The following DOCK8 variants were observed in gnomAD, a reference collection of about 807,000 sequenced individuals.
DOCK8 encodes the protein dedicator of cytokinesis 8, also known as dedicator of cytokinesis protein 8.
DOCK8 carries 141 observed loss-of-function variants against 245.6 expected under a neutral mutation model. That is an observed-to-expected ratio of 0.57 (90% confidence interval 0.50 to 0.66). The LOEUF is 0.66. Ranked by LOEUF, DOCK8 falls within the 30% of genes least tolerant of loss-of-function variation. The pLI, the probability that DOCK8 is intolerant of heterozygous loss-of-function variation, is 0.00. For synonymous variants in DOCK8, 1,168 were observed against 970.2 expected, an observed-to-expected ratio of 1.20 and a Z score of -3.79; for missense variants, 2,965 against 2,603.4, an observed-to-expected ratio of 1.14 and a Z score of -3.02.
intron 20 of DOCK8, among the ~76,000 whole-genome samples, chr9:377,591 T>C (rs766945331): frequency 6.6e-6 from 1 of 152,182 alleles, no homozygotes; most frequent in Non-Finnish European, 1.5e-5. Context: ...GGGAAGGAAC[T>C]CTCTACATTG....
intron 27 of DOCK8, among the ~76,000 whole-genome samples, chr9:406,488 C>CAAATAA (rs1373206545): frequency 5.2e-5 from 5 of 95,248 alleles, no homozygotes; most frequent in Admixed American, 4.2e-4. Context: ...CTCTGTCTTT[C>CAAATAA]AAAAAAAAAA....
chr9:436,090 G>C (rs1038651895), intron 39 of DOCK8, among the ~76,000 whole-genome samples: 1 of 152,222 alleles, frequency 6.6e-6, no homozygotes, highest in African/African-American at 2.4e-5. Flanking sequence ...CAGGCTTAGA[G>C]AATAAGTCAC....
chr9:251,439 C>G (rs1297797989), intron 1 of DOCK8, among the ~76,000 whole-genome samples: 1 of 152,190 alleles, frequency 6.6e-6, no homozygotes, highest in Non-Finnish European at 1.5e-5. Flanking sequence ...CAGCAACAAG[C>G]TAAAACCTGC....
At chr9:400,746 T>C (rs1438281356) in intron 26 of DOCK8, among the ~76,000 whole-genome samples, 349 of 2,022 alleles carry the variant, frequency 0.17, 5 homozygotes, top group Non-Finnish European at 0.18. Flanking sequence ...ACCACCAGCA[T>C]CTTCACCATC....
chr9:445,293 C>G (rs1435374458), intron 43 of DOCK8, among the ~76,000 whole-genome samples: 1 of 152,138 alleles, frequency 6.6e-6, no homozygotes, highest in Non-Finnish European at 1.5e-5. Context: ...GAATGAGAGT[C>G]TGAACCCAGA....
chr9:419,580 C>G (rs2056189049), intron 30 of DOCK8, among the ~76,000 whole-genome samples: 1 of 152,146 alleles, frequency 6.6e-6, no homozygotes, highest in Non-Finnish European at 1.5e-5. Flanking sequence ...GCTTTATAAC[C>G]TCTATTATTT....
At chr9:273,949 G>A (rs926380265) in intron 2 of DOCK8, among the ~76,000 whole-genome samples, 3 of 151,992 alleles carry the variant, frequency 2.0e-5, no homozygotes, top group Admixed American at 2.0e-4. Context: ...CAGGTGATCC[G>A]CCCGCCTAGG....
At chr9:260,552 C>T (rs2047894437) in intron 1 of DOCK8, among the ~76,000 whole-genome samples, 1 of 152,216 alleles carries the variant, frequency 6.6e-6, no homozygotes, top group African/African-American at 2.4e-5. Flanking sequence ...TACACAAACA[C>T]TTTCACCCAG....
chr9:345,147 A>G (rs2051817729), intron 14 of DOCK8, among the ~76,000 whole-genome samples: 3 of 152,198 alleles, frequency 2.0e-5, no homozygotes, highest in South Asian at 4.1e-4. Context: ...CTGTCAGGTA[A>G]CTTTCACTGT....
intron 25 of DOCK8, among the ~76,000 whole-genome samples, chr9:398,287 G>A (rs997475981): frequency 7.9e-5 from 12 of 152,186 alleles, no homozygotes; most frequent in African/African-American, 1.9e-4. Context: ...GAGAGAGTTC[G>A]AGGACCTCTC....
chr9:328,080 C>A lies in DOCK8; in HGVS notation c.953C>A (p.Ala318Asp), dbSNP rs376791111. 2 of 1,614,204 alleles carry A rather than the reference C, an allele frequency of 1.2e-6. No individual in the cohort carries two copies. Among genetic ancestry groups the A allele is most frequent in the Non-Finnish European group, 1.7e-6 (2 of 1,180,004 alleles). Reference protein sequence around the residue: ...NSDQFKGFLRAHTPSVAASSQ... With the variant: ...NSDQFKGFLRDHTPSVAASSQ... Reference sequence around the variant, plus strand: ...GACCAGTTCAAAGGATTTCTGCGAGCTCACACGCCTTCAGTGGCCGCATCA... The same window carrying A: ...GACCAGTTCAAAGGATTTCTGCGAGATCACACGCCTTCAGTGGCCGCATCA... Residue 318 changes from alanine to aspartate, a missense_variant, in exon 9 of 48, where the codon GCT becomes GAT. This residue lies in a region of DOCK8 where 2,825 missense variants were observed against 2,453.5 expected (regional missense o/e 1.15). Transcript: ENST00000432829.
chr9:310,206 G>A (rs1160023031), intron 5 of DOCK8, among the ~76,000 whole-genome samples: 1 of 151,792 alleles, frequency 6.6e-6, no homozygotes, highest in Non-Finnish European at 1.5e-5. Flanking sequence ...GGCAGAGGCA[G>A]CAGTGAGCTG....
chr9:460,912 G>T (rs1234710745), intron 46 of DOCK8, among the ~76,000 whole-genome samples: 1 of 152,186 alleles, frequency 6.6e-6, no homozygotes, highest in Non-Finnish European at 1.5e-5. Context: ...AAGCCATATT[G>T]ATCACCCACG....
At chr9:422,258 G>T in intron 33 of DOCK8, 123 bp downstream of exon 33, 1 of 833,052 alleles carries the variant, frequency 1.2e-6, no homozygotes. Flanking sequence ...ATCATTATCT[G>T]TGTAAATACA....
chr9:225,442 A>T (rs370351579), intron 1 of DOCK8, among the ~76,000 whole-genome samples: 1 of 152,304 alleles, frequency 6.6e-6, no homozygotes, highest in East Asian at 1.9e-4. Flanking sequence ...AGCCACAGTC[A>T]TTCCGATGTG....
Position 339,031 on chromosome 9 carries a change from A to T in DOCK8, c.1448A>T (p.Asp483Val), listed in dbSNP as rs779599066. 2 of 1,614,146 alleles carry T rather than the reference A, an allele frequency of 1.2e-6. No homozygotes were observed. Among genetic ancestry groups the T allele is most frequent in the Admixed American group, 3.3e-5 (2 of 60,032 alleles). Residue 483 changes from aspartate to valine, a missense_variant, in exon 13 of 48, where the codon GAC becomes GTC. By Grantham distance (152) the Asp-to-Val change is radical (BLOSUM62 -3). Around this residue, in one of 3 missense-constraint regions of DOCK8, gnomAD observed 2,825 missense variants for 2,453.5 expected, o/e 1.15. Coordinates refer to ENST00000432829, the MANE Select transcript of DOCK8 (RefSeq NM_203447.4). ...GAAGGAGATCGCCTTAGCGATGAAGACTTATTCAAGTTTTTAGCTGACTAC... is the reference window on the plus strand; with the variant it reads ...GAAGGAGATCGCCTTAGCGATGAAGTCTTATTCAAGTTTTTAGCTGACTAC... Reference protein sequence around the residue: ...KQEGDRLSDEDLFKFLADYKR... With the variant: ...KQEGDRLSDEVLFKFLADYKR...
At chr9:346,291 T>C (rs2051882138) in intron 14 of DOCK8, among the ~76,000 whole-genome samples, 1 of 152,146 alleles carries the variant, frequency 6.6e-6, no homozygotes, top group Admixed American at 6.5e-5. Flanking sequence ...TTATTTTCCA[T>C]GTGACCCAAC....
Position 311,231 on chromosome 9 carries a change from G to T in DOCK8, c.529-723G>T, listed in dbSNP as rs556602347. 1.9e-4 allele frequency among the ~76,000 whole-genome samples: 29 copies of T among 151,822 alleles called. No homozygotes were observed. The East Asian group carries it at 2.5e-3, about 13-fold the overall frequency. ...ACCTGGGAGGCGGAGGTTGCAGTGA[G>T]CTGAGATGGCGCCATTGCACTCAAG... On this transcript the variant is annotated intron_variant, in intron 5 of 47. Transcript: ENST00000432829.
intron 46 of DOCK8, among the ~76,000 whole-genome samples, chr9:459,345 T>A (rs10974583): frequency 0.66 from 100,234 of 152,138 alleles, 35,270 homozygotes; most frequent in East Asian, 0.98. Flanking sequence ...AAATAATTTT[T>A]TGCATTATAA....
Sources: allele counts gnomAD v4.1 joint callset (sites outside exome capture counted in the v4.1 genomes callset), GRCh38; gene constraint gnomAD v4.1.1; regional missense constraint gnomAD v4.1.1; transcripts MANE v1.5; gene names NCBI Gene and HGNC (gene_info 2026-07-23, HGNC 2026-07-21).